Variants in GAD2 observed in about 807,000 individuals in gnomAD.
GAD2 encodes glutamate decarboxylase 2.
GAD2 carries 22 observed loss-of-function variants against 80.1 expected under a neutral mutation model. The ratio of observed to expected loss-of-function variants is 0.27; its 90% CI spans 0.20 to 0.39. GAD2 has a LOEUF of 0.39. Among genes scored for constraint, GAD2 ranks in the 10% least tolerant of loss-of-function variants. The pLI is 1.00. For synonymous variants in GAD2, 274 were observed against 256.9 expected, an observed-to-expected ratio of 1.07 and a Z score of -0.64; for missense variants, 624 against 738.4, an observed-to-expected ratio of 0.85 and a Z score of 1.80.
intron 15 of GAD2, among the ~76,000 whole-genome samples, chr10:26,296,229 T>C (rs1487329875): frequency 6.6e-6 from 1 of 152,062 alleles, no homozygotes; most frequent in East Asian, 1.9e-4. Context: ...AAAGGCCCTA[T>C]CTCCTAATAT....
intron 8 of GAD2, among the ~76,000 whole-genome samples, chr10:26,261,761 C>T (rs932683177): frequency 6.6e-6 from 1 of 152,120 alleles, no homozygotes; most frequent in African/African-American, 2.4e-5. Context: ...CTTCTCTTCT[C>T]TTCCCACCCT....
chr10:26,286,585 A>T, intron 13 of GAD2, 91 bp downstream of exon 13: 2 of 1,304,954 alleles, frequency 1.5e-6, no homozygotes, highest in Non-Finnish European at 2.0e-6. Context: ...TGATTTCCAA[A>T]TTGAAATTTC....
chr10:26,229,196 G>GA (rs35900771), intron 6 of GAD2, among the ~76,000 whole-genome samples: 1,623 of 117,136 alleles, frequency 0.014, 31 homozygotes, highest in African/African-American at 0.041. Flanking sequence ...CCTGTCTCAA[G>GA]AAAAAAAAAA....
intron 8 of GAD2, among the ~76,000 whole-genome samples, chr10:26,252,404 A>ACAATCTCAGCTCACTG (rs1458436486): frequency 4.6e-5 from 7 of 151,532 alleles, no homozygotes; most frequent in Admixed American, 2.0e-4. Context: ...ATGCAGTGGC[A>ACAATCTCAGCTCACTG]CAATCTCAGC....
chr10:26,226,932 C>T (rs1384124454), intron 6 of GAD2, among the ~76,000 whole-genome samples: 6 of 152,170 alleles, frequency 3.9e-5, no homozygotes, highest in African/African-American at 9.7e-5. Flanking sequence ...GCTTAGTCAC[C>T]GACCTTTTCC....
At chr10:26,269,517 G>T (rs927993585) in intron 9 of GAD2, among the ~76,000 whole-genome samples, 1 of 152,236 alleles carries the variant, frequency 6.6e-6, no homozygotes, top group African/African-American at 2.4e-5. Context: ...GTATGTGAGA[G>T]ACCCTGGTGC....
At chr10:26,267,235 C>G (rs1431326797) in intron 8 of GAD2, among the ~76,000 whole-genome samples, 1 of 152,232 alleles carries the variant, frequency 6.6e-6, no homozygotes, top group East Asian at 1.9e-4. Flanking sequence ...AGTTCTCACT[C>G]TCAGTTTTCT....
chr10:26,233,299 TA>T (rs758688307), intron 7 of GAD2, among the ~76,000 whole-genome samples: 9 of 152,234 alleles, frequency 5.9e-5, no homozygotes, highest in Non-Finnish European at 1.2e-4. Flanking sequence ...CTTAACATCT[TA>T]TACCTTCCCT....
intron 7 of GAD2, among the ~76,000 whole-genome samples, chr10:26,235,149 C>T (rs936201214): frequency 6.6e-6 from 1 of 152,252 alleles, no homozygotes; most frequent in South Asian, 2.1e-4. Flanking sequence ...TCTGGGATTA[C>T]AGGCGTGAGC....
At chr10:26,246,801 A>G (rs1246151194) in intron 8 of GAD2, among the ~76,000 whole-genome samples, 1 of 152,208 alleles carries the variant, frequency 6.6e-6, no homozygotes, top group East Asian at 1.9e-4. Flanking sequence ...GGAGATAGTT[A>G]CAGGGTGGAA....
chr10:26,274,406 G>T (rs1845175128), intron 11 of GAD2, among the ~76,000 whole-genome samples: 1 of 152,156 alleles, frequency 6.6e-6, no homozygotes, highest in Admixed American at 6.5e-5. Flanking sequence ...CAAAATACAG[G>T]CTCTGGTTCT....
chr10:26,270,244 C>A (rs1845118995), intron 9 of GAD2, among the ~76,000 whole-genome samples: 1 of 152,182 alleles, frequency 6.6e-6, no homozygotes, highest in Admixed American at 6.5e-5. Flanking sequence ...CCTGCCTACT[C>A]ACTCTAGGGG....
At chr10:26,241,758 T>C (rs1844745756) in intron 7 of GAD2, among the ~76,000 whole-genome samples, 1 of 152,160 alleles carries the variant, frequency 6.6e-6, no homozygotes, top group African/African-American at 2.4e-5. Flanking sequence ...ACTCTATAAA[T>C]AGCTTCCTTG....
intron 15 of GAD2, among the ~76,000 whole-genome samples, chr10:26,295,063 T>C (rs1834257764): frequency 7.0e-6 from 1 of 143,476 alleles, no homozygotes; most frequent in African/African-American, 2.9e-5. Context: ...TGGAGCAAGA[T>C]GGGAATACAG....
chr10:26,224,483 T>C, intron 5 of GAD2, 56 bp from the exon 6 acceptor site: 1 of 994,794 alleles, frequency 1.0e-6, no homozygotes, highest in Non-Finnish European at 1.6e-6. Flanking sequence ...ATTGTAATGA[T>C]TGTAAATTAT....
At chr10:26,287,361 C>T (rs1199570866) in intron 13 of GAD2, among the ~76,000 whole-genome samples, 1 of 152,086 alleles carries the variant, frequency 6.6e-6, no homozygotes, top group Non-Finnish European at 1.5e-5. Context: ...AGGTGTCAAC[C>T]TTAATAACAG....
intron 8 of GAD2, among the ~76,000 whole-genome samples, chr10:26,265,396 G>A (rs1845060453): frequency 6.6e-6 from 1 of 151,986 alleles, no homozygotes; most frequent in Non-Finnish European, 1.5e-5. Flanking sequence ...GTAGAGACGA[G>A]GTTTCACCGT....
chr10:26,271,091 T>C (rs1845132003), intron 10 of GAD2, among the ~76,000 whole-genome samples: 1 of 152,218 alleles, frequency 6.6e-6, no homozygotes, highest in South Asian at 2.1e-4. Context: ...AGTCCTGCTG[T>C]TCCTCACTTA....
At chr10:26,269,953 C>T (rs8190711) in intron 9 of GAD2, among the ~76,000 whole-genome samples, 322 of 152,226 alleles carry the variant, frequency 2.1e-3, no homozygotes, top group Admixed American at 4.1e-3. Context: ...TTTGCTGCCA[C>T]CTAAAGACTG....
Sources: gnomAD v4.1 joint callset for allele counts (sites outside exome capture counted in the v4.1 genomes callset) on GRCh38, gnomAD v4.1.1 for gene constraint, MANE v1.5 for transcripts, NCBI Gene and HGNC (gene_info 2026-07-23, HGNC 2026-07-21) for gene names.